The following MORC1 variants were observed in gnomAD, a reference collection of about 807,000 sequenced individuals.
MORC1 encodes MORC family CW-type zinc finger protein 1.
In MORC1, 59 loss-of-function variants were observed where a neutral mutation model predicts 134.9. The observed-to-expected ratio is 0.44, with a 90% CI of 0.35 to 0.54. The LOEUF (loss-of-function observed/expected upper bound fraction) is 0.54. Ranked by LOEUF, MORC1 falls within the 20% of genes least tolerant of loss-of-function variation. MORC1 has a pLI of 0.00. For missense variants in MORC1, 947 were observed against 1,134.5 expected (o/e 0.83, Z 2.37); for synonymous variants, 395 against 391.7 (o/e 1.01, Z -0.10).
intron 20 of MORC1, among the ~76,000 whole-genome samples, chr3:109,004,153 C>T (rs997689745): frequency 6.6e-6 from 1 of 152,154 alleles, no homozygotes; most frequent in African/African-American, 2.4e-5. Flanking sequence ...TCCATGACTA[C>T]ACTCCCACCA....
intron 27 of MORC1, among the ~76,000 whole-genome samples, chr3:108,960,913 T>C (rs1947063566): frequency 6.6e-6 from 1 of 152,240 alleles, no homozygotes; most frequent in African/African-American, 2.4e-5. Context: ...TCTTTAGAGA[T>C]GGACTAAAAG....
chr3:109,088,116 A>G (rs1192941153), intron 8 of MORC1, among the ~76,000 whole-genome samples: 2 of 152,092 alleles, frequency 1.3e-5, no homozygotes, highest in African/African-American at 4.8e-5. Context: ...CCAAAACTAT[A>G]AAAACCCTGG....
chr3:109,006,495 T>C (rs1359449843), intron 18 of MORC1, among the ~76,000 whole-genome samples: 1 of 152,236 alleles, frequency 6.6e-6, no homozygotes, highest in Non-Finnish European at 1.5e-5. Context: ...AATCCCATCG[T>C]CTGCCTGTTA....
chr3:108,998,689 G>A (rs1391344546), intron 21 of MORC1, among the ~76,000 whole-genome samples: 1 of 152,086 alleles, frequency 6.6e-6, no homozygotes, highest in African/African-American at 2.4e-5. Flanking sequence ...ACTTTGAGGA[G>A]CAATTATTTC....
chr3:109,015,309 A>C (rs1315603247), intron 17 of MORC1, among the ~76,000 whole-genome samples: 1 of 152,210 alleles, frequency 6.6e-6, no homozygotes, highest in Admixed American at 6.5e-5. Flanking sequence ...GGAAGAATTC[A>C]AAGACAGCTG....
intron 7 of MORC1, 138 bp downstream of exon 7, chr3:109,094,771 T>A: frequency 7.6e-6 from 6 of 791,858 alleles, no homozygotes; most frequent in Non-Finnish European, 7.4e-6. Flanking sequence ...CTCATATGGA[T>A]AAAATAAATG....
chr3:109,010,941 C>T (rs1948666993), intron 17 of MORC1, among the ~76,000 whole-genome samples: 1 of 152,202 alleles, frequency 6.6e-6, no homozygotes, highest in Admixed American at 6.5e-5. Flanking sequence ...TTGGCAATTA[C>T]AAAGCTACTT....
rs1362637150 is a variant in MORC1, at chr3:108,971,419, A to G, written c.2478-17T>C. The stretch of plus-strand genomic sequence containing the variant: ...AGAATCTCCCTAGGAATACAAGCAC[A>G]GCAGATATGGGAATATACTAGGATA... On this transcript the variant is annotated splice_polypyrimidine_tract_variant and intron_variant, in intron 24 of 27. Transcript: ENST00000232603. The G allele has an allele frequency of 6.2e-7, 1 of 1,602,960 alleles. No individual in the cohort carries two copies. The highest frequency in any genetic ancestry group is 1.7e-5 in the Admixed American group (1 of 59,946).
At chr3:109,010,878 TG>T (rs1948665945) in intron 17 of MORC1, among the ~76,000 whole-genome samples, 1 of 152,218 alleles carries the variant, frequency 6.6e-6, no homozygotes, top group African/African-American at 2.4e-5. Context: ...TGAATGGACA[TG>T]CCATAATTTG....
intron 14 of MORC1, among the ~76,000 whole-genome samples, chr3:109,048,902 G>C (rs1235731671): frequency 6.6e-6 from 1 of 151,834 alleles, no homozygotes; most frequent in Non-Finnish European, 1.5e-5. Context: ...TGGGAGCTAG[G>C]GCTTCAACTT....
chr3:108,971,194 C>T, intron 25 of MORC1, 136 bp downstream of exon 25: 1 of 678,054 alleles, frequency 1.5e-6, no homozygotes, highest in Non-Finnish European at 2.6e-6. Flanking sequence ...TATGAATCAC[C>T]ATTTGGTATA....
intron 14 of MORC1, among the ~76,000 whole-genome samples, chr3:109,040,867 A>G (rs189959471): frequency 6.6e-6 from 1 of 151,372 alleles, no homozygotes; most frequent in East Asian, 1.9e-4. Flanking sequence ...AAGAAATGTG[A>G]AAAAGTCAAG....
At chr3:108,982,831 G>T (rs938107055) in intron 23 of MORC1, among the ~76,000 whole-genome samples, 9 of 151,498 alleles carry the variant, frequency 5.9e-5, no homozygotes, top group African/African-American at 1.9e-4. Context: ...CCCCTTTCCA[G>T]TCAATCCTCA....
chr3:108,982,589 G>T (rs1471166557), intron 23 of MORC1, among the ~76,000 whole-genome samples: 2 of 151,500 alleles, frequency 1.3e-5, no homozygotes, highest in African/African-American at 4.9e-5. Flanking sequence ...GGGATGGGGG[G>T]GGCAGGGGGA....
chr3:108,994,595 C>T (rs1478009686), intron 21 of MORC1, among the ~76,000 whole-genome samples: 20 of 152,078 alleles, frequency 1.3e-4, no homozygotes. Flanking sequence ...GTATATGTTG[C>T]TTCATGTTAG....
chr3:109,052,420 G>T (rs1465459646), intron 14 of MORC1, among the ~76,000 whole-genome samples: 1 of 152,140 alleles, frequency 6.6e-6, no homozygotes, highest in Non-Finnish European at 1.5e-5. Flanking sequence ...TGGGTCTCAG[G>T]TGGGGCCTGG....
intron 8 of MORC1, among the ~76,000 whole-genome samples, chr3:109,075,857 G>A (rs147074655): frequency 0.032 from 4,832 of 152,066 alleles, 245 homozygotes; most frequent in African/African-American, 0.11. Context: ...AGCTTGATGG[G>A]GATAGCATTG....
In MORC1 at chr3:109,027,650, A is replaced by G. The variant is rs868148266; in HGVS notation, c.1704+101T>C. 6.3e-6 allele frequency: 9 copies of G among 1,429,780 alleles called. No individual in the cohort carries two copies. The Middle Eastern group carries it at 5.3e-4, about 85-fold the overall frequency. 88.6% of individuals were successfully genotyped at this position (1,429,780 alleles called of 1,614,324 possible). ...TGTCAAAAAGGACAGGAAAAAGATTATACACATTTTATTGTGTAAACCACT... is the reference window on the plus strand; with the variant it reads ...TGTCAAAAAGGACAGGAAAAAGATTGTACACATTTTATTGTGTAAACCACT... On this transcript the variant is annotated intron_variant, in intron 17 of 27. Transcript: ENST00000232603.
At chr3:109,024,234 G>A (rs1949024041) in intron 17 of MORC1, among the ~76,000 whole-genome samples, 2 of 152,110 alleles carry the variant, frequency 1.3e-5, no homozygotes, top group Admixed American at 1.3e-4. Flanking sequence ...GAAATATGGT[G>A]CTGGAATTGG....
Sources: gnomAD v4.1 joint callset for allele counts (sites outside exome capture counted in the v4.1 genomes callset) on GRCh38, gnomAD v4.1.1 for gene constraint, MANE v1.5 for transcripts, NCBI Gene and HGNC (gene_info 2026-07-23, HGNC 2026-07-21) for gene names.